The following AGBL4 variants were observed in gnomAD, a reference collection of about 807,000 sequenced individuals.
AGBL4 encodes the protein cytosolic carboxypeptidase 6.
Under a neutral mutation model 66.4 loss-of-function variants are expected in AGBL4, and 58 were observed. That is an observed-to-expected ratio of 0.87 (90% CI 0.71 to 1.09). The LOEUF (loss-of-function observed/expected upper bound fraction) is 1.09. Among genes scored for constraint, AGBL4 ranks in the 50% least tolerant of loss-of-function variants. The pLI is 0.00. For synonymous variants in AGBL4, 234 were observed against 222.9 expected, an observed-to-expected ratio of 1.05 and a Z score of -0.44; for missense variants, 579 against 631.0, an observed-to-expected ratio of 0.92 and a Z score of 0.88.
intron 8 of AGBL4, among the ~76,000 whole-genome samples, chr1:48,647,769 A>G (rs1645862030): frequency 6.6e-6 from 1 of 152,134 alleles, no homozygotes; most frequent in Admixed American, 6.5e-5. Flanking sequence ...AGTGACGAGG[A>G]AGGAGCTGGC....
intron 4 of AGBL4, among the ~76,000 whole-genome samples, chr1:49,155,613 A>G (rs1320427543): frequency 6.6e-6 from 1 of 152,190 alleles, no homozygotes; most frequent in Non-Finnish European, 1.5e-5. Context: ...CCTAGATAGC[A>G]AAATCTAAAA....
At chr1:49,323,445 C>T (rs963128881) in intron 3 of AGBL4, among the ~76,000 whole-genome samples, 1 of 129,930 alleles carries the variant, frequency 7.7e-6, no homozygotes, top group Non-Finnish European at 1.6e-5. Context: ...CCATGCCTGG[C>T]TAATTTTTTT....
intron 5 of AGBL4, among the ~76,000 whole-genome samples, chr1:49,031,483 A>G (rs1375732772): frequency 3.9e-5 from 6 of 152,188 alleles, no homozygotes; most frequent in African/African-American, 1.4e-4. Flanking sequence ...ATGGGAGAAC[A>G]TATTTGTAAA....
intron 4 of AGBL4, among the ~76,000 whole-genome samples, chr1:49,215,174 A>C (rs1216325565): frequency 6.6e-6 from 1 of 152,134 alleles, no homozygotes; most frequent in Non-Finnish European, 1.5e-5. Context: ...ACAGACAAAA[A>C]TAATATTTGT....
At position 48,776,933 on chromosome 1, in the gene AGBL4, G is replaced by C. The variant is rs571242370; in HGVS notation, c.634+90258C>G. The C allele has an allele frequency of 4.9e-4, 283 of 583,420 alleles. 2 individuals carry two copies. The Middle Eastern group carries it at 5.4e-3, about 11-fold the overall frequency. The allele number at this position is 583,420 out of a possible 1,614,324, so 36.1% of individuals were successfully genotyped here. On this transcript the variant is annotated intron_variant, in intron 6 of 13. Coordinates refer to ENST00000371839, the MANE Select transcript of AGBL4 (RefSeq NM_032785.4). Reference sequence around the variant, plus strand: ...GCGCGAGTCTCGCTACGGTGCTGGGGGGGGCGGGGGCGGCTCCCCAGGACC... The same window carrying C: ...GCGCGAGTCTCGCTACGGTGCTGGGCGGGGCGGGGGCGGCTCCCCAGGACC...
chr1:48,910,340 A>G (rs959257552), intron 5 of AGBL4, among the ~76,000 whole-genome samples: 2 of 152,206 alleles, frequency 1.3e-5, no homozygotes, highest in Admixed American at 1.3e-4. Context: ...AGGACTCTCT[A>G]AAATAATCTT....
intron 4 of AGBL4, among the ~76,000 whole-genome samples, chr1:49,168,383 C>T (rs1245764327): frequency 6.6e-6 from 1 of 152,148 alleles, no homozygotes; most frequent in African/African-American, 2.4e-5. Context: ...GAATACTCAA[C>T]CAAGTTATTC....
At chr1:49,443,148 T>C (rs773044312) in intron 3 of AGBL4, among the ~76,000 whole-genome samples, 1 of 152,170 alleles carries the variant, frequency 6.6e-6, no homozygotes, top group Non-Finnish European at 1.5e-5. Flanking sequence ...GTTGAATTGC[T>C]TGAGTTCCTT....
At chr1:49,610,197 A>C (rs1057295806) in intron 3 of AGBL4, among the ~76,000 whole-genome samples, 2 of 152,210 alleles carry the variant, frequency 1.3e-5, no homozygotes. Flanking sequence ...CAGAAATTCT[A>C]TTTAGTGTCA....
chr1:48,976,840 C>G (rs1659378012), intron 5 of AGBL4, among the ~76,000 whole-genome samples: 2 of 151,876 alleles, frequency 1.3e-5, no homozygotes, highest in Admixed American at 1.3e-4. Context: ...TAAGGACCAT[C>G]CCACCTAAAG....
chr1:49,302,446 G>C (rs79627236), intron 3 of AGBL4, among the ~76,000 whole-genome samples: 1 of 151,408 alleles, frequency 6.6e-6, no homozygotes, highest in Non-Finnish European at 1.5e-5. Context: ...GTAGAAACGG[G>C]GTTTCACCAT....
chr1:49,978,743 T>A (rs546762538), intron 1 of AGBL4, among the ~76,000 whole-genome samples: 2 of 152,320 alleles, frequency 1.3e-5, no homozygotes, highest in Admixed American at 1.3e-4. Context: ...GACACCTATA[T>A]GCATGGGTAA....
intron 9 of AGBL4, among the ~76,000 whole-genome samples, chr1:48,619,509 C>T (rs923298695): frequency 1.3e-5 from 2 of 152,180 alleles, no homozygotes; most frequent in African/African-American, 4.8e-5. Context: ...CAAATATCAG[C>T]ATTTTCCCCC....
chr1:48,735,792 A>G (rs1251468941), intron 6 of AGBL4, among the ~76,000 whole-genome samples: 2 of 151,902 alleles, frequency 1.3e-5, no homozygotes, highest in African/African-American at 4.8e-5. Flanking sequence ...CTCTGGGTAC[A>G]CAGCAGCATT....
chr1:49,614,020 A>G (rs1159435039), intron 3 of AGBL4, among the ~76,000 whole-genome samples: 13 of 152,222 alleles, frequency 8.5e-5, no homozygotes. Context: ...TTCTGTTTAG[A>G]ACACACTTGT....
chr1:49,946,657 A>T (rs778415549), intron 1 of AGBL4, among the ~76,000 whole-genome samples: 63 of 152,112 alleles, frequency 4.1e-4, no homozygotes, highest in Non-Finnish European at 6.0e-4. Flanking sequence ...TAGGGAAACA[A>T]GAACAAACCA....
rs145549441 is a variant in AGBL4, at chr1:49,666,620, T to C, written c.282+30693A>G. 2.8e-4 allele frequency among the ~76,000 whole-genome samples: 42 copies of C among 151,920 alleles called. 1 individual carries two copies. The East Asian group carries it at 8.1e-3, about 29-fold the overall frequency. Reference sequence around the variant, plus strand: ...AAAAATTAAAATTAAAAAATGGCTTTACAAATGGTTTATATCCTTACATAA... The same window carrying C: ...AAAAATTAAAATTAAAAAATGGCTTCACAAATGGTTTATATCCTTACATAA... On this transcript the variant is annotated intron_variant, in intron 3 of 13. Coordinates refer to ENST00000371839, the MANE Select transcript of AGBL4 (RefSeq NM_032785.4).
chr1:49,594,075 C>T (rs555695334), intron 3 of AGBL4, among the ~76,000 whole-genome samples: 11 of 152,162 alleles, frequency 7.2e-5, no homozygotes, highest in Middle Eastern at 3.4e-3. Flanking sequence ...AAAATGCTTA[C>T]GTGAAAATTC....
At chr1:49,845,899 C>T (rs1445443503) in intron 2 of AGBL4, 1 of 1,418,662 alleles carries the variant, frequency 7.0e-7, no homozygotes. Context: ...AGCAAATCCA[C>T]ACAGGGCAGA....
Sources: allele counts gnomAD v4.1 joint callset (sites outside exome capture counted in the v4.1 genomes callset), GRCh38; gene constraint gnomAD v4.1.1; transcripts MANE v1.5; gene names NCBI Gene and HGNC (gene_info 2026-07-23, HGNC 2026-07-21).